LRRC53: variants seen among roughly 807,000 people sequenced by gnomAD.
LRRC53 encodes the protein leucine-rich repeat-containing protein 53.
In LRRC53, 25 loss-of-function variants were observed where a neutral mutation model predicts 13.6. That is an observed-to-expected ratio of 1.83 (90% CI 1.34 to 2.56). LRRC53 has a LOEUF of 2.56. Ranked by LOEUF, LRRC53 falls within the 30% of genes most tolerant of loss-of-function variation. The pLI, the probability that LRRC53 is intolerant of heterozygous loss-of-function variation, is 0.00. For missense variants in LRRC53, 527 were observed against 275.8 expected, an observed-to-expected ratio of 1.91 and a Z score of -6.45; for synonymous variants, 204 against 109.8, an observed-to-expected ratio of 1.86 and a Z score of -5.37.
intron 1 of LRRC53, chr1:74,492,280 T>C (rs775819219): frequency 2.7e-6 from 4 of 1,484,522 alleles, no homozygotes; most frequent in Admixed American, 3.7e-5. Context: ...AGTGGTAATA[T>C]AAGCAAATCT....
In LRRC53 at chr1:74,471,473, A is replaced by T; in HGVS notation, c.2149T>A (p.Leu717Ile). The T allele has an allele frequency of 5.0e-6, 2 of 400,606 alleles. No homozygotes were observed. The highest frequency in any genetic ancestry group is 7.1e-5 in the East Asian group (2 of 28,068). 24.8% of individuals were successfully genotyped at this position (400,606 alleles called of 1,614,324 possible). A position where few individuals can be genotyped will look rare whatever the true frequency, so the allele number is the denominator to read the frequency against. Residue 717 changes from leucine to isoleucine, a missense_variant, in exon 5 of 5, where the codon TTA becomes ATA. Transcript: ENST00000294635. Reference protein sequence around the residue: ...DLKGKIKGQNLKLNLHPFRKV... With the variant: ...DLKGKIKGQNIKLNLHPFRKV... Reference sequence around the variant, plus strand: ...CTAAAAGGATGTAAATTTAATTTTAAGTTTTGTCCTTTAATTTTCCCTTTG... The same window carrying T: ...CTAAAAGGATGTAAATTTAATTTTATGTTTTGTCCTTTAATTTTCCCTTTG...
intron 1 of LRRC53, among the ~76,000 whole-genome samples, chr1:74,498,540 A>AT (rs747047803): frequency 6.6e-6 from 1 of 152,174 alleles, no homozygotes; most frequent in Non-Finnish European, 1.5e-5. Context: ...AATATTAAAT[A>AT]TTTTTATTTA....
intron 1 of LRRC53, among the ~76,000 whole-genome samples, chr1:74,497,220 A>T (rs572908833): frequency 6.6e-6 from 1 of 152,292 alleles, no homozygotes; most frequent in South Asian, 2.1e-4. Flanking sequence ...GGAAGAATGA[A>T]GAAGGGAGAG....
chr1:74,532,010 T>C, the LRRC53 span, among the ~76,000 whole-genome samples: 1 of 152,138 alleles, frequency 6.6e-6, no homozygotes, highest in East Asian at 1.9e-4. Context: ...ATTGGACCAA[T>C]TTGAATGGAA....
intron 1 of LRRC53, among the ~76,000 whole-genome samples, chr1:74,511,330 C>T (rs1307647945): frequency 1.3e-5 from 2 of 152,052 alleles, no homozygotes; most frequent in East Asian, 1.9e-4. Context: ...GTAGCTGGGA[C>T]TACAGGCACA....
chr1:74,491,515 C>T (rs891252799), intron 1 of LRRC53, among the ~76,000 whole-genome samples: 1 of 152,190 alleles, frequency 6.6e-6, no homozygotes, highest in Non-Finnish European at 1.5e-5. Flanking sequence ...GCTGGGATTA[C>T]AGGTGTGAGC....
At chr1:74,520,420 T>A in the LRRC53 span, among the ~76,000 whole-genome samples, 12 of 152,024 alleles carry the variant, frequency 7.9e-5, no homozygotes, top group Non-Finnish European at 4.4e-5. Context: ...TGTGACTCCA[T>A]GGATTCTCCT....
chr1:74,533,820 C>A, the LRRC53 span, among the ~76,000 whole-genome samples: 116 of 152,190 alleles, frequency 7.6e-4, no homozygotes, highest in African/African-American at 2.7e-3. Flanking sequence ...GGACAAAAAA[C>A]CAAACACCGC....
At chr1:74,492,139 C>CCTT (rs746146240) in intron 1 of LRRC53, 1 of 1,611,948 alleles carries the variant, frequency 6.2e-7, no homozygotes, top group Non-Finnish European at 8.5e-7. Flanking sequence ...GTCTCTCTCA[C>CCTT]CTTCTTCTTC....
In LRRC53 at chr1:74,489,952, G is replaced by A. The variant is rs1390362211; in HGVS notation, c.-26-6577C>T. ...GAGGATCATATATGCATTTGCATATGCAGGGAAGGGGCAACAATAGAGAGA... is the reference window on the plus strand; with the variant it reads ...GAGGATCATATATGCATTTGCATATACAGGGAAGGGGCAACAATAGAGAGA... On this transcript the variant is annotated intron_variant, in intron 1 of 4. Coordinates refer to ENST00000294635, the MANE Select transcript of LRRC53 (RefSeq NM_001382280.1). 4.7e-5 allele frequency among the ~76,000 whole-genome samples: 7 copies of A among 149,196 alleles called. No individual in the cohort carries two copies. In the Admixed American group the frequency reaches 4.8e-4, roughly 10 times the overall value.
chr1:74,480,981 A>C lies in LRRC53; in HGVS notation c.89-13T>G. 1.4e-6 allele frequency: 1 copy of C among 700,010 alleles called. No homozygotes were observed. The allele number at this position is 700,010 out of a possible 1,614,324, so 43.4% of individuals were successfully genotyped here. A position where few individuals can be genotyped will look rare whatever the true frequency, so the allele number is the denominator to read the frequency against. ...GTCATAGGGGCTGCTGTGGGGAAAA[A>C]AGCACAGACTAGATGCAGGGTACAC... On this transcript the variant is annotated splice_polypyrimidine_tract_variant and intron_variant, in intron 2 of 4. Coordinates refer to ENST00000294635, the MANE Select transcript of LRRC53 (RefSeq NM_001382280.1).
At chr1:74,520,399 T>A in the LRRC53 span, among the ~76,000 whole-genome samples, 2 of 152,010 alleles carry the variant, frequency 1.3e-5, no homozygotes, top group Non-Finnish European at 2.9e-5. Flanking sequence ...CCTCAGCCCC[T>A]CCAGTCTCTC....
At position 74,484,037 on chromosome 1, in the gene LRRC53, T is replaced by C. The variant is rs149365541; in HGVS notation, c.-26-662A>G. ...TTTTTCATGTGTAAAATAGAAATAA[T>C]AAATGTCTACAGTACAGAGTATTAT... is the stretch of plus-strand genomic sequence containing the variant. On this transcript the variant is annotated intron_variant, in intron 1 of 4. Coordinates refer to ENST00000294635, the MANE Select transcript of LRRC53 (RefSeq NM_001382280.1). Among the ~76,000 whole-genome samples the C allele has an allele frequency of 1.4e-3, 213 of 152,200 alleles. 1 individual carries two copies. Among genetic ancestry groups the C allele is most frequent in the Middle Eastern group, 6.8e-3 (2 of 294 alleles).
rs148554544 is a variant in LRRC53 at position 74,489,115 on chromosome 1, C to T, written c.-26-5740G>A. On this transcript the variant is annotated intron_variant, in intron 1 of 4. Coordinates refer to ENST00000294635, the MANE Select transcript of LRRC53 (RefSeq NM_001382280.1). Reference sequence around the variant, plus strand: ...ATCTCATTCTTTACAAATGCTAATACCCAATTTTAACATCCAAAGAGAGTC... The same window carrying T: ...ATCTCATTCTTTACAAATGCTAATATCCAATTTTAACATCCAAAGAGAGTC... The T allele has an allele frequency of 1.3e-5, 17 of 1,264,218 alleles. No individual in the cohort carries two copies. In the East Asian group the frequency reaches 3.8e-4, roughly 28 times the overall value. 78.3% of individuals were successfully genotyped at this position (1,264,218 alleles called of 1,614,324 possible).
At chr1:74,513,281 T>G (rs555736374), upstream of LRRC53, among the ~76,000 whole-genome samples, 1 of 152,340 alleles carries the variant, frequency 6.6e-6, no homozygotes, top group East Asian at 1.9e-4. Flanking sequence ...ATGTGGAAAT[T>G]TACTGAGTCC....
chr1:74,480,021 C>T, intron 3 of LRRC53, 132 bp downstream of exon 3: 5 of 606,684 alleles, frequency 8.2e-6, no homozygotes, highest in Non-Finnish European at 8.8e-6. Context: ...CTAATATCCT[C>T]CCACATCTAC....
At position 74,512,590 on chromosome 1, in the gene LRRC53, C is replaced by T. The variant is rs1021752759; in HGVS notation, c.-91G>A. 6.6e-6 allele frequency: 1 copy of T among 152,152 alleles called. No homozygotes were observed. Among genetic ancestry groups the T allele is most frequent in the African/African-American group, 2.4e-5 (1 of 41,438 alleles). The allele number at this position is 152,152 out of a possible 1,614,324, so 9.4% of individuals were successfully genotyped here. On this transcript the variant is annotated 5_prime_UTR_variant, in exon 1 of 5. Transcript: ENST00000294635. ...TAAAAGGTGGATGATGAATCTGAGA[C>T]CTACTGAGTTAACTGTCCAGCATCT...
rs17095415 is a variant in LRRC53 at position 74,480,820 on chromosome 1, C to G, written c.237G>C (p.Gly79=). ...GCAACAAGGTCCGCAACATCGTAAG[C>G]CCATGCAGGGCATCTTCCTGAACAT... ...IEDVQEDALH[G]LTMLRTLLLE... The change falls in exon 3 of 5, where the codon GGG becomes GGC. Residue 79 remains glycine (G), a synonymous_variant. Transcript: ENST00000294635. 5.9e-3 allele frequency: 4,240 copies of G among 717,544 alleles called. 133 individuals are homozygous for G. In the African/African-American group the frequency reaches 0.065, roughly 11 times the overall value. 44.4% of individuals were successfully genotyped at this position (717,544 alleles called of 1,614,324 possible). A position where few individuals can be genotyped will look rare whatever the true frequency, so the allele number is the denominator to read the frequency against.
intron 1 of LRRC53, among the ~76,000 whole-genome samples, chr1:74,497,977 G>A (rs577851912): frequency 3.0e-4 from 46 of 152,178 alleles, no homozygotes; most frequent in Non-Finnish European, 6.0e-4. Flanking sequence ...TGAACTGTGG[G>A]AGGCTTTTTT....
Sources: allele counts gnomAD v4.1 joint callset (sites outside exome capture counted in the v4.1 genomes callset), GRCh38; gene constraint gnomAD v4.1.1; transcripts MANE v1.5; gene names NCBI Gene and HGNC (gene_info 2026-07-23, HGNC 2026-07-21).